The following ACVR1 variants were observed in gnomAD, a reference collection of about 807,000 sequenced individuals.
ACVR1 encodes activin receptor type-1.
ACVR1 carries 38 observed loss-of-function variants against 57.1 expected under a neutral mutation model. The observed-to-expected ratio is 0.67, with a 90% CI of 0.51 to 0.87. The LOEUF (loss-of-function observed/expected upper bound fraction) is 0.87. ACVR1 is among the 40% of genes least tolerant of loss of function. The pLI, the probability that ACVR1 is intolerant of heterozygous loss-of-function variation, is 0.00. For synonymous variants in ACVR1, 212 were observed against 228.1 expected, an observed-to-expected ratio of 0.93 and a Z score of 0.63; for missense variants, 463 against 638.2, an observed-to-expected ratio of 0.73 and a Z score of 2.96.
At chr2:157,859,147 A>G (rs1337764537) in intron 1 of ACVR1, among the ~76,000 whole-genome samples, 1 of 152,202 alleles carries the variant, frequency 6.6e-6, no homozygotes, top group Non-Finnish European at 1.5e-5. Flanking sequence ...ACAGGATGAA[A>G]TAGGAGGTCG....
At chr2:157,748,977 A>G (rs1281150780) in intron 9 of ACVR1, among the ~76,000 whole-genome samples, 4 of 152,236 alleles carry the variant, frequency 2.6e-5, no homozygotes, top group African/African-American at 9.6e-5. Context: ...CAGGACTCCA[A>G]TGGGTCACAG....
chr2:157,792,580 A>G (rs1686958804), intron 3 of ACVR1, among the ~76,000 whole-genome samples: 1 of 152,258 alleles, frequency 6.6e-6, no homozygotes, highest in Non-Finnish European at 1.5e-5. Flanking sequence ...ACACCTGCAC[A>G]GTGAACCCTT....
At chr2:157,859,667 T>G (rs1689658749) in intron 1 of ACVR1, among the ~76,000 whole-genome samples, 1 of 151,968 alleles carries the variant, frequency 6.6e-6, no homozygotes, top group Non-Finnish European at 1.5e-5. Context: ...TCACCACATC[T>G]CATGGGCTCA....
chr2:157,865,207 T>C (rs991439536), intron 1 of ACVR1, among the ~76,000 whole-genome samples: 2 of 151,748 alleles, frequency 1.3e-5, no homozygotes, highest in Non-Finnish European at 1.5e-5. Context: ...ACTAAGCCTG[T>C]GCCCTTCTTA....
At chr2:157,804,338 A>G (rs1687441843) in intron 2 of ACVR1, among the ~76,000 whole-genome samples, 1 of 152,254 alleles carries the variant, frequency 6.6e-6, no homozygotes, top group Admixed American at 6.5e-5. Context: ...ACAGACGTCA[A>G]CAAGTCCAAC....
At chr2:157,810,731 A>G (rs1232259536) in intron 2 of ACVR1, among the ~76,000 whole-genome samples, 2 of 152,054 alleles carry the variant, frequency 1.3e-5, no homozygotes, top group Non-Finnish European at 2.9e-5. Flanking sequence ...AACAATTTCA[A>G]CTACCACCAC....
intron 7 of ACVR1, among the ~76,000 whole-genome samples, chr2:157,766,690 A>G (rs953966675): frequency 6.6e-6 from 1 of 152,222 alleles, no homozygotes; most frequent in African/African-American, 2.4e-5. Flanking sequence ...AAAGGGGGCA[A>G]GTTTACATTA....
intron 1 of ACVR1, among the ~76,000 whole-genome samples, chr2:157,868,484 CAAAA>C (rs11287777): frequency 7.1e-6 from 1 of 140,012 alleles, no homozygotes. Flanking sequence ...GACTCCATCT[CAAAA>C]AAAAAAAAAA....
In ACVR1 at chr2:157,736,700, C is replaced by T. The variant is rs972328613; in HGVS notation, c.*831G>A. 6 of 334,600 alleles carry T rather than the reference C, an allele frequency of 1.8e-5. No homozygotes were observed. The highest frequency in any genetic ancestry group is 3.3e-5 in the Non-Finnish European group (6 of 181,660). The allele number at this position is 334,600 out of a possible 1,614,324, so 20.7% of individuals were successfully genotyped here. A position where few individuals can be genotyped will look rare whatever the true frequency, so the allele number is the denominator to read the frequency against. Reference sequence around the variant, plus strand: ...CTGCATATGAACTGAAAAAAAGTTACAGTCTACACACATACAAATGTGAAG... The same window carrying T: ...CTGCATATGAACTGAAAAAAAGTTATAGTCTACACACATACAAATGTGAAG... On this transcript the variant is annotated 3_prime_UTR_variant, in exon 11 of 11. Coordinates refer to ENST00000434821, the MANE Select transcript of ACVR1 (RefSeq NM_001111067.4).
intron 1 of ACVR1, among the ~76,000 whole-genome samples, chr2:157,825,134 T>A (rs1233501131): frequency 1.3e-5 from 2 of 152,216 alleles, no homozygotes; most frequent in Non-Finnish European, 2.9e-5. Context: ...CTGAAATCTT[T>A]GATTAACTAG....
chr2:157,856,048 A>C (rs766325965), intron 1 of ACVR1, among the ~76,000 whole-genome samples: 28 of 152,184 alleles, frequency 1.8e-4, no homozygotes, highest in Non-Finnish European at 3.4e-4. Flanking sequence ...AACTTAAAAA[A>C]AAAAATACAT....
chr2:157,749,559 G>C lies in ACVR1; in HGVS notation c.1265-10989C>G, dbSNP rs367555034. Among the ~76,000 whole-genome samples, 13 of 152,304 alleles carry C rather than the reference G, an allele frequency of 8.5e-5. 1 individual carries two copies. The highest frequency in any genetic ancestry group is 7.8e-4 in the Admixed American group (12 of 15,300). On this transcript the variant is annotated intron_variant, in intron 9 of 10. Coordinates refer to ENST00000434821, the MANE Select transcript of ACVR1 (RefSeq NM_001111067.4). Reference sequence around the variant, plus strand: ...GCAGAATTCACCCTCAGATTCACTTGATCATTCTCCTCAAGTTAAAACTCC... The same window carrying C: ...GCAGAATTCACCCTCAGATTCACTTCATCATTCTCCTCAAGTTAAAACTCC...
chr2:157,780,343 T>G lies in ACVR1; in HGVS notation c.325A>C (p.Thr109Pro). 1 of 1,614,164 alleles carries G rather than the reference T, an allele frequency of 6.2e-7. No individual in the cohort carries two copies. Among genetic ancestry groups the G allele is most frequent in the South Asian group, 1.1e-5 (1 of 91,080 alleles). Residue 109 changes from threonine to proline, a missense_variant, in exon 4 of 11, where the codon ACT (threonine) becomes CCT (proline). Around this residue, in one of 3 missense-constraint regions of ACVR1, gnomAD observed 203 missense variants for 235.5 expected, o/e 0.86. Transcript: ENST00000434821. ...CNRNITAQLP[T>P]KGKSFPGTQN... is the part of the protein sequence containing the mutation. ...TAGAAAAGTCCATGGGAACCTTTAG[T>G]GGGCAGCTGGGCCGTGATGTTCCTG...
intron 3 of ACVR1, among the ~76,000 whole-genome samples, chr2:157,780,976 A>G (rs1316468373): frequency 1.3e-5 from 2 of 152,194 alleles, no homozygotes; most frequent in South Asian, 2.1e-4. Context: ...TTACTGGAAC[A>G]TAATGTTTAT....
chr2:157,762,630 G>A (rs954606038), intron 8 of ACVR1, among the ~76,000 whole-genome samples: 1 of 152,206 alleles, frequency 6.6e-6, no homozygotes, highest in Non-Finnish European at 1.5e-5. Context: ...AGGATCTCCA[G>A]GTGAGGCATA....
intron 1 of ACVR1, among the ~76,000 whole-genome samples, chr2:157,828,791 G>T (rs1344883730): frequency 6.6e-6 from 1 of 152,042 alleles, no homozygotes; most frequent in African/African-American, 2.4e-5. Context: ...TTTTGAGACA[G>T]AGTCTCACTC....
chr2:157,868,168 A>G (rs547975633), intron 1 of ACVR1, among the ~76,000 whole-genome samples: 49 of 152,242 alleles, frequency 3.2e-4, no homozygotes, highest in Middle Eastern at 6.8e-3. Context: ...CCCAGGACAC[A>G]TAGTCTGAGA....
At chr2:157,782,180 A>G (rs990454915) in intron 3 of ACVR1, among the ~76,000 whole-genome samples, 1 of 152,168 alleles carries the variant, frequency 6.6e-6, no homozygotes, top group African/African-American at 2.4e-5. Context: ...TCCCTCTTCA[A>G]AGAAGTGGAA....
chr2:157,796,911 C>G (rs1687144263), intron 3 of ACVR1, among the ~76,000 whole-genome samples: 1 of 152,162 alleles, frequency 6.6e-6, no homozygotes. Flanking sequence ...CTAACTGACA[C>G]AACTGCCATA....
Sources: allele counts gnomAD v4.1 joint callset (sites outside exome capture counted in the v4.1 genomes callset), GRCh38; gene constraint gnomAD v4.1.1; regional missense constraint gnomAD v4.1.1; transcripts MANE v1.5; gene names NCBI Gene and HGNC (gene_info 2026-07-23, HGNC 2026-07-21).